ADAM18: variants seen among roughly 807,000 people sequenced by gnomAD.
ADAM18 encodes ADAM metallopeptidase domain 18, also known as disintegrin and metalloproteinase domain-containing protein 18.
Under a neutral mutation model 94.4 loss-of-function variants are expected in ADAM18, and 117 were observed. The ratio of observed to expected loss-of-function variants is 1.24; its 90% CI spans 1.07 to 1.45. The LOEUF (loss-of-function observed/expected upper bound fraction) is 1.45. Among genes scored for constraint, ADAM18 ranks in the 40% most tolerant of loss-of-function variants. ADAM18 has a pLI of 0.00. For synonymous variants in ADAM18, 327 were observed against 291.6 expected (o/e 1.12, Z -1.24); for missense variants, 936 against 880.0 (o/e 1.06, Z -0.81).
In ADAM18 at chr8:39,610,075, TG is replaced by T. The variant is rs1819220734; in HGVS notation, c.345-452del. Among the ~76,000 whole-genome samples, 3 of 152,102 alleles carry T rather than the reference TG, an allele frequency of 2.0e-5. No homozygotes were observed. The South Asian group carries it at 6.2e-4, about 31-fold the overall frequency. On this transcript the variant is annotated intron_variant, in intron 5 of 19. Coordinates refer to ENST00000265707, the MANE Select transcript of ADAM18 (RefSeq NM_014237.3). ...AAAAATGCTCCCTCTAACTTTCCTT[TG>T]GTTTCAATTGCCTGATTTCCAGAAT...
chr8:39,585,381 T>C, intron 2 of ADAM18, 29 bp downstream of exon 2: 2 of 1,533,398 alleles, frequency 1.3e-6, no homozygotes, highest in South Asian at 2.3e-5. Context: ...TTATTCTATA[T>C]TTAAAGCTTT....
intron 10 of ADAM18, among the ~76,000 whole-genome samples, chr8:39,640,808 G>A (rs555498446): frequency 1.6e-5 from 2 of 121,704 alleles, no homozygotes; most frequent in East Asian, 2.0e-4. Flanking sequence ...CATATTTTTG[G>A]CCACATATTT....
At chr8:39,608,195 C>A (rs932453405) in intron 3 of ADAM18, among the ~76,000 whole-genome samples, 5 of 152,004 alleles carry the variant, frequency 3.3e-5, no homozygotes, top group Non-Finnish European at 2.9e-5. Flanking sequence ...ATATCTATAT[C>A]TAAACCCTAC....
chr8:39,630,829 T>C (rs1279829491), intron 7 of ADAM18, among the ~76,000 whole-genome samples: 2 of 151,944 alleles, frequency 1.3e-5, no homozygotes, highest in East Asian at 3.8e-4. Context: ...ATTATAGTAA[T>C]TTCGTATTCT....
intron 16 of ADAM18, among the ~76,000 whole-genome samples, chr8:39,691,097 GAA>G (rs1264160199): frequency 3.9e-5 from 6 of 152,100 alleles, no homozygotes; most frequent in Non-Finnish European, 8.8e-5. Context: ...AATAATGCAA[GAA>G]CCAGATGATA....
intron 2 of ADAM18, among the ~76,000 whole-genome samples, chr8:39,600,047 C>A (rs1818858228): frequency 6.6e-6 from 1 of 152,066 alleles, no homozygotes; most frequent in Non-Finnish European, 1.5e-5. Flanking sequence ...TTAAGTCTGA[C>A]ATTAGCTGTA....
intron 12 of ADAM18, among the ~76,000 whole-genome samples, chr8:39,659,472 A>T (rs957023496): frequency 4.6e-5 from 7 of 152,130 alleles, no homozygotes; most frequent in Non-Finnish European, 1.0e-4. Flanking sequence ...AGCAATAGCA[A>T]TTACTAAAAA....
intron 2 of ADAM18, among the ~76,000 whole-genome samples, chr8:39,599,680 G>A (rs968419908): frequency 6.6e-6 from 1 of 152,020 alleles, no homozygotes; most frequent in African/African-American, 2.4e-5. Flanking sequence ...TCATGTTTTT[G>A]ATGCTTGTGT....
intron 7 of ADAM18, among the ~76,000 whole-genome samples, chr8:39,633,087 A>G (rs771261619): frequency 2.0e-5 from 3 of 152,292 alleles, no homozygotes; most frequent in Non-Finnish European, 4.4e-5. Context: ...AGGACATAGC[A>G]AAAAGGTCCT....
intron 16 of ADAM18, among the ~76,000 whole-genome samples, chr8:39,684,829 C>G (rs1464507224): frequency 6.6e-6 from 1 of 152,108 alleles, no homozygotes; most frequent in Non-Finnish European, 1.5e-5. Flanking sequence ...CATTTCAGGC[C>G]TGGTAGTTAA....
chr8:39,651,483 C>T (rs1820534512), intron 12 of ADAM18, among the ~76,000 whole-genome samples: 1 of 152,202 alleles, frequency 6.6e-6, no homozygotes, highest in Non-Finnish European at 1.5e-5. Context: ...TGTATTGTGT[C>T]TCTGGGTACT....
intron 14 of ADAM18, among the ~76,000 whole-genome samples, chr8:39,672,704 T>C (rs1003701312): frequency 2.0e-5 from 3 of 152,218 alleles, no homozygotes; most frequent in African/African-American, 7.2e-5. Context: ...TAACACCTTG[T>C]TAACTGTTCC....
At chr8:39,722,496 T>G (rs1822788977) in intron 18 of ADAM18, among the ~76,000 whole-genome samples, 1 of 150,812 alleles carries the variant, frequency 6.6e-6, no homozygotes, top group Non-Finnish European at 1.5e-5. Context: ...ACATTCACAG[T>G]GGAATAATAG....
chr8:39,618,629 T>C (rs1292432421), intron 6 of ADAM18, among the ~76,000 whole-genome samples: 2 of 152,086 alleles, frequency 1.3e-5, no homozygotes, highest in East Asian at 3.9e-4. Context: ...AGACCAGAAA[T>C]TCTCAGAAGG....
At chr8:39,728,859 C>A (rs1202014075) in intron 19 of ADAM18, among the ~76,000 whole-genome samples, 1 of 152,022 alleles carries the variant, frequency 6.6e-6, no homozygotes, top group East Asian at 1.9e-4. Context: ...AAGAGTATTC[C>A]ATAGAAGGAC....
chr8:39,692,129 T>C (rs536686517), intron 16 of ADAM18, among the ~76,000 whole-genome samples: 2 of 152,000 alleles, frequency 1.3e-5, no homozygotes, highest in African/African-American at 4.8e-5. Context: ...ATAAATATTG[T>C]TCTTGCCATA....
At chr8:39,681,357 G>T (rs940218488) in intron 16 of ADAM18, among the ~76,000 whole-genome samples, 2 of 152,100 alleles carry the variant, frequency 1.3e-5, no homozygotes, top group African/African-American at 4.8e-5. Context: ...TTTGCAAGTC[G>T]GACCAACAGG....
At chr8:39,722,982 A>T (rs1363695717) in intron 18 of ADAM18, among the ~76,000 whole-genome samples, 1 of 84,374 alleles carries the variant, frequency 1.2e-5, no homozygotes, top group East Asian at 3.3e-4. Context: ...AACCATGATC[A>T]TTGTAACGTT....
chr8:39,671,984 C>G (rs1389730586), intron 14 of ADAM18, among the ~76,000 whole-genome samples: 1 of 152,008 alleles, frequency 6.6e-6, no homozygotes, highest in African/African-American at 2.4e-5. Flanking sequence ...TGGAAACACT[C>G]TCCTAAAGTA....
Sources: allele counts gnomAD v4.1 joint callset (sites outside exome capture counted in the v4.1 genomes callset), GRCh38; gene constraint gnomAD v4.1.1; transcripts MANE v1.5; gene names NCBI Gene and HGNC (gene_info 2026-07-23, HGNC 2026-07-21).